ST6GALNAC3: variants seen among roughly 807,000 people sequenced by gnomAD.
The protein encoded by ST6GALNAC3 is alpha-N-acetylgalactosaminide alpha-2,6-sialyltransferase 3.
A neutral mutation model predicts 32.7 loss-of-function variants in ST6GALNAC3; 25 were observed. The ratio of observed to expected loss-of-function variants is 0.76; its 90% CI spans 0.56 to 1.07. ST6GALNAC3 has a LOEUF of 1.07. ST6GALNAC3 is among the 50% of genes least tolerant of loss of function. ST6GALNAC3 has a pLI of 0.00. For synonymous variants in ST6GALNAC3, 129 were observed against 133.1 expected (o/e 0.97, Z 0.21); for missense variants, 355 against 382.4 (o/e 0.93, Z 0.60).
intron 2 of ST6GALNAC3, among the ~76,000 whole-genome samples, chr1:76,389,012 C>CTTTTTTTTTTTT (rs371619828): frequency 2.7e-4 from 34 of 127,336 alleles, no homozygotes; most frequent in Non-Finnish European, 4.3e-4. Flanking sequence ...GGTATATTTC[C>CTTTTTTTTTTTT]TTTTTTTTTT....
intron 3 of ST6GALNAC3, among the ~76,000 whole-genome samples, chr1:76,537,660 A>G (rs1366647814): frequency 6.6e-6 from 1 of 152,194 alleles, no homozygotes; most frequent in Non-Finnish European, 1.5e-5. Flanking sequence ...AAAGCGTTAA[A>G]CACAATAAGA....
In ST6GALNAC3 at chr1:76,630,420, T is replaced by A. The variant is rs1426313597; in HGVS notation, c.*1614T>A. The A allele has an allele frequency of 4.1e-6, 4 of 985,146 alleles. No homozygotes were observed. In the African/African-American group the frequency reaches 5.2e-5, roughly 13 times the overall value. The allele number at this position is 985,146 out of a possible 1,614,324, so 61.0% of individuals were successfully genotyped here. A position where few individuals can be genotyped will look rare whatever the true frequency, so the allele number is the denominator to read the frequency against. ...GGCAGAGAAATATAGTTTCCTTTCC[T>A]AGGATTGAGACAATTCTATTTTTCA... On this transcript the variant is annotated 3_prime_UTR_variant, in exon 5 of 5. Coordinates refer to ENST00000328299, the MANE Select transcript of ST6GALNAC3 (RefSeq NM_152996.4).
chr1:76,297,196 C>T (rs912350072), intron 1 of ST6GALNAC3, among the ~76,000 whole-genome samples: 12 of 151,998 alleles, frequency 7.9e-5, no homozygotes, highest in African/African-American at 2.9e-4. Context: ...ATGAGAATCT[C>T]ATCTCTCCTG....
chr1:76,360,558 T>C (rs1649848045), intron 2 of ST6GALNAC3, among the ~76,000 whole-genome samples: 1 of 152,192 alleles, frequency 6.6e-6, no homozygotes. Context: ...TAATACTAAA[T>C]ATGCCAGTCT....
chr1:76,119,401 G>C (rs1000312086), intron 1 of ST6GALNAC3, among the ~76,000 whole-genome samples: 1 of 152,136 alleles, frequency 6.6e-6, no homozygotes, highest in Non-Finnish European at 1.5e-5. Flanking sequence ...CCATTCTACT[G>C]GACATTGGTC....
intron 3 of ST6GALNAC3, among the ~76,000 whole-genome samples, chr1:76,435,049 C>T (rs910530615): frequency 6.6e-6 from 1 of 151,978 alleles, no homozygotes; most frequent in African/African-American, 2.4e-5. Flanking sequence ...CCTTGGCCTC[C>T]CAAAGTGCTG....
rs565717404 is a variant in ST6GALNAC3 at position 76,362,878 on chromosome 1, G to T, written c.213+48879G>T. ...TGCTGAGTGCCTGCAGCTTTTCCAGGTGCAGGGTGCAAGCTGTCAGTAGAT... is the reference window on the plus strand; with the variant it reads ...TGCTGAGTGCCTGCAGCTTTTCCAGTTGCAGGGTGCAAGCTGTCAGTAGAT... On this transcript the variant is annotated intron_variant, in intron 2 of 4. Coordinates refer to ENST00000328299, the MANE Select transcript of ST6GALNAC3 (RefSeq NM_152996.4). 3.9e-5 allele frequency among the ~76,000 whole-genome samples: 6 copies of T among 152,300 alleles called. No individual in the cohort carries two copies. The South Asian group carries it at 1.2e-3, about 32-fold the overall frequency.
intron 3 of ST6GALNAC3, among the ~76,000 whole-genome samples, chr1:76,531,586 A>G (rs957000042): frequency 2.6e-5 from 4 of 152,156 alleles, no homozygotes; most frequent in African/African-American, 4.8e-5. Flanking sequence ...AGTAATTTCC[A>G]TTTTGTGTGC....
At chr1:76,484,339 T>A (rs1312129103) in intron 3 of ST6GALNAC3, among the ~76,000 whole-genome samples, 1 of 152,234 alleles carries the variant, frequency 6.6e-6, no homozygotes, top group Non-Finnish European at 1.5e-5. Context: ...CAATATTGAT[T>A]CTTCCTATCC....
chr1:76,553,947 A>G (rs1664776074), intron 3 of ST6GALNAC3, among the ~76,000 whole-genome samples: 1 of 152,222 alleles, frequency 6.6e-6, no homozygotes, highest in Non-Finnish European at 1.5e-5. Flanking sequence ...AAAGCAGTAT[A>G]TACACATAGT....
chr1:76,110,228 A>G (rs1406298425), intron 1 of ST6GALNAC3, among the ~76,000 whole-genome samples: 1 of 152,248 alleles, frequency 6.6e-6, no homozygotes, highest in East Asian at 1.9e-4. Context: ...GGAAAGAAAT[A>G]GGTCTTGGTC....
intron 3 of ST6GALNAC3, among the ~76,000 whole-genome samples, chr1:76,582,203 T>C (rs1646901479): frequency 6.6e-6 from 1 of 152,170 alleles, no homozygotes; most frequent in South Asian, 2.1e-4. Context: ...AATTAGGATA[T>C]TAGATTTTAG....
chr1:76,605,500 G>T (rs1453166230), intron 3 of ST6GALNAC3, among the ~76,000 whole-genome samples: 3 of 151,892 alleles, frequency 2.0e-5, no homozygotes, highest in African/African-American at 7.3e-5. Context: ...ATCTGACAAA[G>T]GTCTAATATC....
intron 3 of ST6GALNAC3, among the ~76,000 whole-genome samples, chr1:76,571,805 T>C (rs1025994570): frequency 2.2e-4 from 34 of 152,084 alleles, no homozygotes; most frequent in Non-Finnish European, 3.1e-4. Context: ...TGGGTTCCAA[T>C]GGTTTGTAAG....
chr1:76,106,093 T>C, intron 1 of ST6GALNAC3, among the ~76,000 whole-genome samples: 1 of 152,266 alleles, frequency 6.6e-6, no homozygotes, highest in East Asian at 1.9e-4. Context: ...ACAAGAATGC[T>C]TGTCTTTTAG....
intron 3 of ST6GALNAC3, among the ~76,000 whole-genome samples, chr1:76,604,197 A>G (rs939407094): frequency 2.0e-5 from 3 of 152,202 alleles, no homozygotes; most frequent in African/African-American, 7.2e-5. Context: ...ACCTCTGTAC[A>G]TAAAGAACAC....
chr1:76,270,507 CAAAAAAAAAAAA>C (rs34410935), intron 1 of ST6GALNAC3, among the ~76,000 whole-genome samples: 8 of 64,116 alleles, frequency 1.2e-4, no homozygotes, highest in African/African-American at 4.8e-4. Flanking sequence ...AACTCTGTCT[CAAAAAAAAAAAA>C]AAAAAAAAAA....
intron 1 of ST6GALNAC3, among the ~76,000 whole-genome samples, chr1:76,091,805 A>G (rs79018146): frequency 0.019 from 2,852 of 152,324 alleles, 65 homozygotes; most frequent in Non-Finnish European, 0.022. Context: ...AGGCTACACC[A>G]TCTAGGTGTA....
chr1:76,479,524 T>G (rs1659586538), intron 3 of ST6GALNAC3, among the ~76,000 whole-genome samples: 1 of 152,204 alleles, frequency 6.6e-6, no homozygotes, highest in Admixed American at 6.5e-5. Flanking sequence ...GAGGGCCTTC[T>G]TGCCATGTCA....
Sources: gnomAD v4.1 joint callset for allele counts (sites outside exome capture counted in the v4.1 genomes callset) on GRCh38, gnomAD v4.1.1 for gene constraint, MANE v1.5 for transcripts, NCBI Gene and HGNC (gene_info 2026-07-23, HGNC 2026-07-21) for gene names.